CREB5: variants seen among roughly 807,000 people sequenced by gnomAD.
CREB5 encodes the protein cAMP responsive element binding protein 5, also known as cyclic AMP-responsive element-binding protein 5.
CREB5 carries 19 observed loss-of-function variants against 57.1 expected under a neutral mutation model. The observed-to-expected ratio is 0.33, with a 90% CI of 0.23 to 0.49. The LOEUF (loss-of-function observed/expected upper bound fraction) is 0.49, where lower values mean the gene tolerates loss of function less well. Ranked by LOEUF, CREB5 falls within the 20% of genes least tolerant of loss-of-function variation. The probability of loss-of-function intolerance (pLI) is 0.99; values close to 1 mark genes in which losing one functional copy is unlikely to be tolerated. For missense variants in CREB5, 579 were observed against 671.6 expected, an observed-to-expected ratio of 0.86 and a Z score of 1.52; for synonymous variants, 238 against 238.3, an observed-to-expected ratio of 1.00 and a Z score of 0.01.
Position 28,426,268 on chromosome 7 carries a change from C to A in CREB5, c.3+13351C>A, listed in dbSNP as rs540657774. 3.2e-4 allele frequency among the ~76,000 whole-genome samples: 49 copies of A among 152,294 alleles called. No homozygotes were observed. In the South Asian group the frequency reaches 8.9e-3, roughly 28 times the overall value. On this transcript the variant is annotated intron_variant, in intron 1 of 10. Transcript: ENST00000357727. ...AAGGCTTAGAGGTTAAGGGACTTGACCAGTGGGACAAAACCAGTAAATGGA... is the reference window on the plus strand; with the variant it reads ...AAGGCTTAGAGGTTAAGGGACTTGAACAGTGGGACAAAACCAGTAAATGGA...
At chr7:28,437,720 A>G (rs889516111) in intron 1 of CREB5, among the ~76,000 whole-genome samples, 11 of 152,180 alleles carry the variant, frequency 7.2e-5, no homozygotes, top group African/African-American at 2.7e-4. Context: ...AACTACAGCT[A>G]TTATTAGTAA....
chr7:28,551,856 T>TTTCTTTC (rs1473390370), intron 4 of CREB5, among the ~76,000 whole-genome samples: 1 of 137,600 alleles, frequency 7.3e-6, no homozygotes, highest in African/African-American at 2.7e-5. Context: ...TCTTTCTTTC[T>TTTCTTTC]TTTCTTTCTT....
intron 7 of CREB5, among the ~76,000 whole-genome samples, chr7:28,803,687 C>T (rs1424702241): frequency 1.4e-5 from 2 of 139,596 alleles, no homozygotes; most frequent in Non-Finnish European, 3.0e-5. Context: ...AGCTGGGAGG[C>T]GGAGGTTGCA....
At chr7:28,561,019 T>TGC (rs796249724) in intron 4 of CREB5, among the ~76,000 whole-genome samples, 18,597 of 30,642 alleles carry the variant, frequency 0.61, 6,043 homozygotes, top group South Asian at 0.7. Flanking sequence ...TGTGTGTGCG[T>TGC]GTGTGCGTGT....
intron 1 of CREB5, among the ~76,000 whole-genome samples, chr7:28,453,068 A>G (rs553560558): frequency 1.9e-3 from 297 of 152,344 alleles, no homozygotes; most frequent in African/African-American, 6.9e-3. Context: ...GGAAGGTTCT[A>G]AATTAAACCA....
chr7:28,441,949 AG>A (rs1158732751), intron 1 of CREB5, among the ~76,000 whole-genome samples: 1 of 152,178 alleles, frequency 6.6e-6, no homozygotes, highest in African/African-American at 2.4e-5. Context: ...CTGTGTTGTA[AG>A]TATTCGAATG....
intron 4 of CREB5, among the ~76,000 whole-genome samples, chr7:28,541,407 C>T (rs1275902116): frequency 6.6e-6 from 1 of 152,192 alleles, no homozygotes; most frequent in African/African-American, 2.4e-5. Context: ...GTGGCTCACA[C>T]CTGTAATCCC....
intron 1 of CREB5, among the ~76,000 whole-genome samples, chr7:28,307,625 G>T (rs751948130): frequency 3.3e-5 from 5 of 152,238 alleles, no homozygotes; most frequent in Non-Finnish European, 5.9e-5. Context: ...TCTCAACCTG[G>T]CTTCTAAAAT....
At chr7:28,611,394 G>A (rs1029127278) in intron 5 of CREB5, among the ~76,000 whole-genome samples, 1 of 147,118 alleles carries the variant, frequency 6.8e-6, no homozygotes, top group African/African-American at 2.5e-5. Context: ...GCTCACACCT[G>A]TAATCCCAGC....
intron 7 of CREB5, among the ~76,000 whole-genome samples, chr7:28,788,244 ACC>A (rs1161814891): frequency 6.6e-6 from 1 of 151,854 alleles, no homozygotes; most frequent in Non-Finnish European, 1.5e-5. Context: ...GTATCACAGC[ACC>A]CTCCTCCTCC....
chr7:28,451,425 G>A (rs1789797987), intron 1 of CREB5, among the ~76,000 whole-genome samples: 1 of 150,804 alleles, frequency 6.6e-6, no homozygotes, highest in South Asian at 2.1e-4. Flanking sequence ...ACTTTTCTGG[G>A]GTGCCATTCT....
chr7:28,378,569 CT>C (rs1786893478), intron 1 of CREB5, among the ~76,000 whole-genome samples: 1 of 151,952 alleles, frequency 6.6e-6, no homozygotes, highest in Non-Finnish European at 1.5e-5. Flanking sequence ...TTATTGATAC[CT>C]TTTGCCTCTC....
intron 5 of CREB5, among the ~76,000 whole-genome samples, chr7:28,670,842 A>G (rs1422427430): frequency 6.6e-6 from 1 of 152,156 alleles, no homozygotes; most frequent in African/African-American, 2.4e-5. Context: ...TCTTTAAAAC[A>G]ATTTGTAAAG....
intron 1 of CREB5, among the ~76,000 whole-genome samples, chr7:28,431,561 G>C (rs1415875366): frequency 6.6e-6 from 1 of 152,080 alleles, no homozygotes; most frequent in Non-Finnish European, 1.5e-5. Context: ...CATTTGAAAG[G>C]TACCTTTCAA....
chr7:28,803,181 A>G (rs1205107972), intron 7 of CREB5, among the ~76,000 whole-genome samples: 2 of 152,220 alleles, frequency 1.3e-5, no homozygotes, highest in Non-Finnish European at 2.9e-5. Flanking sequence ...TGGCCATCAA[A>G]GGAGGTGCAA....
intron 5 of CREB5, among the ~76,000 whole-genome samples, chr7:28,672,049 T>G (rs1028347147): frequency 6.6e-6 from 1 of 152,128 alleles, no homozygotes; most frequent in Non-Finnish European, 1.5e-5. Context: ...TGTTGTTACG[T>G]ATATTTTACT....
intron 5 of CREB5, among the ~76,000 whole-genome samples, chr7:28,625,178 C>G (rs1036964940): frequency 6.6e-6 from 1 of 152,146 alleles, no homozygotes; most frequent in African/African-American, 2.4e-5. Context: ...AGTTACAGGG[C>G]TAGTACCTGT....
chr7:28,365,263 A>G (rs532509758), intron 1 of CREB5, among the ~76,000 whole-genome samples: 147 of 152,012 alleles, frequency 9.7e-4, no homozygotes, highest in Non-Finnish European at 1.9e-3. Context: ...ATTTTCCACT[A>G]TTCATTTTCC....
intron 4 of CREB5, among the ~76,000 whole-genome samples, chr7:28,560,901 CGCGCGT>C (rs1396564733): frequency 0.061 from 1,322 of 21,588 alleles, 183 homozygotes; most frequent in African/African-American, 0.17. Context: ...TGTGTGCGTG[CGCGCGT>C]GCGTGTGCGT....
Sources: allele counts gnomAD v4.1 joint callset (sites outside exome capture counted in the v4.1 genomes callset), GRCh38; gene constraint gnomAD v4.1.1; transcripts MANE v1.5; gene names NCBI Gene and HGNC (gene_info 2026-07-23, HGNC 2026-07-21).